DNAJC3: variants seen among roughly 807,000 people sequenced by gnomAD.
DNAJC3 encodes dnaJ homolog subfamily C member 3.
In DNAJC3, 38 loss-of-function variants were observed where a neutral mutation model predicts 68.6. The ratio of observed to expected loss-of-function variants is 0.55; its 90% CI spans 0.43 to 0.73. The LOEUF (loss-of-function observed/expected upper bound fraction) is 0.73. Among genes scored for constraint, DNAJC3 ranks in the 30% least tolerant of loss-of-function variants. The probability of loss-of-function intolerance (pLI) is 0.00; values close to 1 mark genes in which losing one functional copy is unlikely to be tolerated. For missense variants in DNAJC3, 526 were observed against 591.9 expected, an observed-to-expected ratio of 0.89 and a Z score of 1.16; for synonymous variants, 203 against 204.0, an observed-to-expected ratio of 1.00 and a Z score of 0.04.
intron 4 of DNAJC3, among the ~76,000 whole-genome samples, chr13:95,731,901 ATTTTTT>A (rs777968421): frequency 3.2e-5 from 4 of 123,948 alleles, no homozygotes; most frequent in African/African-American, 1.3e-4. Flanking sequence ...CGCCTGGCTA[ATTTTTT>A]TTTTTTTTTT....
chr13:95,719,695 T>C (rs1237014739), intron 2 of DNAJC3, among the ~76,000 whole-genome samples: 1 of 152,192 alleles, frequency 6.6e-6, no homozygotes, highest in African/African-American at 2.4e-5. Context: ...TTATGTAGAT[T>C]TGGTGTTATA....
At chr13:95,748,323 A>C (rs563030618) in intron 4 of DNAJC3, among the ~76,000 whole-genome samples, 19 of 152,320 alleles carry the variant, frequency 1.2e-4, no homozygotes, top group Non-Finnish European at 2.1e-4. Flanking sequence ...TTAATTTTTA[A>C]ATCAAGTATA....
At chr13:95,725,130 T>C in intron 3 of DNAJC3, 48 bp from the exon 4 acceptor site, 1 of 1,297,082 alleles carries the variant, frequency 7.7e-7, no homozygotes, top group Non-Finnish European at 1.0e-6. Context: ...AAAAAAGATT[T>C]AGAAATCTAT....
At chr13:95,790,799 G>GC in intron 11 of DNAJC3, 74 bp from the exon 12 acceptor site, 7 of 1,360,178 alleles carry the variant, frequency 5.1e-6, no homozygotes, top group East Asian at 2.5e-5. Flanking sequence ...ACCCTCCTCT[G>GC]CCCAAAGAAA....
chr13:95,750,018 A>C (rs1042985544), intron 4 of DNAJC3, among the ~76,000 whole-genome samples: 1 of 151,988 alleles, frequency 6.6e-6, no homozygotes, highest in Admixed American at 6.6e-5. Context: ...TGTTTTAAAG[A>C]TAGCACTTTA....
At chr13:95,717,814 C>T (rs1463885957) in intron 2 of DNAJC3, among the ~76,000 whole-genome samples, 4 of 152,204 alleles carry the variant, frequency 2.6e-5, no homozygotes, top group Non-Finnish European at 5.9e-5. Context: ...GTGGAACTGT[C>T]AGTCCATTAA....
At chr13:95,750,141 C>G (rs1200914375) in intron 4 of DNAJC3, among the ~76,000 whole-genome samples, 2 of 151,984 alleles carry the variant, frequency 1.3e-5, no homozygotes, top group African/African-American at 4.8e-5. Flanking sequence ...TAAATGGCAT[C>G]TCAGTAACAG....
At chr13:95,691,501 G>C (rs897600595) in intron 1 of DNAJC3, among the ~76,000 whole-genome samples, 3 of 151,938 alleles carry the variant, frequency 2.0e-5, no homozygotes, top group African/African-American at 7.3e-5. Context: ...TGTGATGGCG[G>C]CCGGGAAGAG....
rs1170180813 is a variant in DNAJC3 at position 95,747,189 on chromosome 13, A to G, written c.394-10455A>G. 2.0e-5 allele frequency among the ~76,000 whole-genome samples: 3 copies of G among 152,336 alleles called. No individual in the cohort carries two copies. In the East Asian group the frequency reaches 5.8e-4, roughly 29 times the overall value. On this transcript the variant is annotated intron_variant, in intron 4 of 11. Transcript: ENST00000602402. ...GTTAGTTCAGTGAGCATTTGAGTGC[A>G]TGTTCTTTGCAAAGAAGCTAGTCTC...
At chr13:95,760,931 C>T in intron 7 of DNAJC3, 133 bp downstream of exon 7, 2 of 1,246,038 alleles carry the variant, frequency 1.6e-6, no homozygotes, top group Non-Finnish European at 1.1e-6. Flanking sequence ...TGGGCCTTAG[C>T]AAAACTACCA....
intron 2 of DNAJC3, among the ~76,000 whole-genome samples, chr13:95,717,960 T>G (rs1004733446): frequency 6.6e-5 from 10 of 152,232 alleles, no homozygotes; most frequent in Admixed American, 3.9e-4. Flanking sequence ...GTAATTGGCT[T>G]TCTGATGTGT....
chr13:95,754,370 T>G (rs997525995), intron 4 of DNAJC3, among the ~76,000 whole-genome samples: 2 of 151,568 alleles, frequency 1.3e-5, no homozygotes, highest in African/African-American at 2.4e-5. Context: ...TGAGAGGGAG[T>G]GCTAGCACCA....
intron 1 of DNAJC3, among the ~76,000 whole-genome samples, chr13:95,705,145 C>A (rs1880697542): frequency 6.6e-6 from 1 of 152,154 alleles, no homozygotes; most frequent in African/African-American, 2.4e-5. Flanking sequence ...AGCCACCGCA[C>A]CTGGCCTAAT....
At chr13:95,761,782 T>C (rs1882829939) in intron 7 of DNAJC3, among the ~76,000 whole-genome samples, 1 of 152,054 alleles carries the variant, frequency 6.6e-6, no homozygotes, top group Non-Finnish European at 1.5e-5. Flanking sequence ...TTTTTTTTTT[T>C]TTGAGACAAT....
intron 1 of DNAJC3, among the ~76,000 whole-genome samples, chr13:95,690,608 C>T (rs559018204): frequency 4.1e-4 from 61 of 147,252 alleles, no homozygotes; most frequent in African/African-American, 1.3e-3. Flanking sequence ...ACTGGCCAGG[C>T]GGGGGGCTGA....
intron 2 of DNAJC3, among the ~76,000 whole-genome samples, chr13:95,714,984 T>TAA (rs772484937): frequency 6.6e-6 from 1 of 152,150 alleles, no homozygotes; most frequent in Non-Finnish European, 1.5e-5. Context: ...AAATTCCCAG[T>TAA]AAAATGTTAC....
chr13:95,688,688 A>C (rs191489325), intron 1 of DNAJC3, among the ~76,000 whole-genome samples: 8 of 151,980 alleles, frequency 5.3e-5, no homozygotes, highest in Non-Finnish European at 5.9e-5. Context: ...ACTTTTTTGC[A>C]GAGATGGGGT....
intron 4 of DNAJC3, among the ~76,000 whole-genome samples, chr13:95,742,341 G>A (rs1882171712): frequency 6.6e-6 from 1 of 152,292 alleles, no homozygotes. Flanking sequence ...TGCCTGGTAA[G>A]GGCTGTATTC....
At chr13:95,703,125 G>C (rs981089324) in intron 1 of DNAJC3, among the ~76,000 whole-genome samples, 3 of 152,200 alleles carry the variant, frequency 2.0e-5, no homozygotes, top group African/African-American at 7.2e-5. Flanking sequence ...ACAGGGTTAA[G>C]TTTCTGCAAG....
Sources: gnomAD v4.1 joint callset for allele counts (sites outside exome capture counted in the v4.1 genomes callset) on GRCh38, gnomAD v4.1.1 for gene constraint, MANE v1.5 for transcripts, NCBI Gene and HGNC (gene_info 2026-07-23, HGNC 2026-07-21) for gene names.